PRLR: variants seen among roughly 807,000 people sequenced by gnomAD.
The protein encoded by PRLR is hPRL receptor.
PRLR carries 13 observed loss-of-function variants against 40.2 expected under a neutral mutation model. The observed-to-expected ratio is 0.32, with a 90% confidence interval of 0.21 to 0.51. The LOEUF (loss-of-function observed/expected upper bound fraction) is 0.51. PRLR is among the 20% of genes least tolerant of loss of function. PRLR has a pLI of 0.97. For missense variants in PRLR, 656 were observed against 747.3 expected (o/e 0.88, Z 1.42); for synonymous variants, 269 against 278.7 (o/e 0.97, Z 0.35).
intron 1 of PRLR, among the ~76,000 whole-genome samples, chr5:35,148,240 T>G (rs1774242513): frequency 6.6e-6 from 1 of 152,134 alleles, no homozygotes; most frequent in African/African-American, 2.4e-5. Context: ...TATAATTAAT[T>G]TTTAGATGTG....
Position 35,118,125 on chromosome 5 carries a change from G to GA in PRLR, c.-105-4dup, listed in dbSNP as rs1231875735. The GA allele has an allele frequency of 5.1e-6, 5 of 984,630 alleles. No individual in the cohort carries two copies. The highest frequency in any genetic ancestry group is 6.0e-6 in the Non-Finnish European group (5 of 828,996). The allele number at this position is 984,630 out of a possible 1,614,324, so 61.0% of individuals were successfully genotyped here. Reference sequence around the variant, plus strand: ...CCATGAATAGGAGAGTTCTTTAGCTGAAAGAGGAAATGATTCATTTTAGCT... The same window carrying GA: ...CCATGAATAGGAGAGTTCTTTAGCTGAAAAGAGGAAATGATTCATTTTAGCT... On this transcript the variant is annotated splice_region_variant and splice_polypyrimidine_tract_variant and intron_variant, in intron 1 of 9. Coordinates refer to ENST00000618457, the MANE Select transcript of PRLR (RefSeq NM_000949.7).
chr5:35,101,801 A>G (rs1771897601), intron 2 of PRLR, among the ~76,000 whole-genome samples: 1 of 148,382 alleles, frequency 6.7e-6, no homozygotes, highest in Admixed American at 6.8e-5. Context: ...TATAACTTAT[A>G]AATAACATAT....
intron 4 of PRLR, 84 bp from the exon 5 acceptor site, chr5:35,084,723 C>G: frequency 7.6e-7 from 1 of 1,312,150 alleles, no homozygotes; most frequent in African/African-American, 1.5e-5. Context: ...TACCACTGGC[C>G]TTTGGGTATC....
chr5:35,155,180 T>C (rs1774452129), intron 1 of PRLR, among the ~76,000 whole-genome samples: 1 of 152,162 alleles, frequency 6.6e-6, no homozygotes, highest in Non-Finnish European at 1.5e-5. Context: ...TTAAATCATA[T>C]GAATAAATAT....
At chr5:35,131,452 G>C (rs1195311674) in intron 1 of PRLR, among the ~76,000 whole-genome samples, 1 of 152,178 alleles carries the variant, frequency 6.6e-6, no homozygotes, top group African/African-American at 2.4e-5. Flanking sequence ...TGCTGGTCCA[G>C]TGGCAGTGGG....
intron 5 of PRLR, among the ~76,000 whole-genome samples, chr5:35,079,094 C>A (rs959606422): frequency 6.6e-6 from 1 of 152,150 alleles, no homozygotes; most frequent in African/African-American, 2.4e-5. Context: ...AACCCACAGC[C>A]AATATCATAC....
At chr5:35,178,268 A>C (rs1227611440) in intron 1 of PRLR, among the ~76,000 whole-genome samples, 2 of 152,224 alleles carry the variant, frequency 1.3e-5, no homozygotes, top group East Asian at 3.8e-4. Context: ...TTCTACACAC[A>C]GTAGATCTTC....
intron 1 of PRLR, among the ~76,000 whole-genome samples, chr5:35,137,538 G>A (rs1773896978): frequency 6.6e-6 from 1 of 152,188 alleles, no homozygotes. Context: ...TACAAATTCT[G>A]TCTTCCCATT....
intron 5 of PRLR, among the ~76,000 whole-genome samples, chr5:35,076,160 G>A (rs955493920): frequency 3.3e-5 from 5 of 152,166 alleles, no homozygotes; most frequent in Non-Finnish European, 2.9e-5. Flanking sequence ...GCAGTTCCTC[G>A]CCAGCAACGA....
chr5:35,121,753 A>C (rs1396000795), intron 1 of PRLR, among the ~76,000 whole-genome samples: 3 of 152,222 alleles, frequency 2.0e-5, no homozygotes, highest in Non-Finnish European at 4.4e-5. Context: ...AATTCAGAGA[A>C]GACTCATAGC....
At chr5:35,173,373 T>C (rs1224046561) in intron 1 of PRLR, among the ~76,000 whole-genome samples, 1 of 152,230 alleles carries the variant, frequency 6.6e-6, no homozygotes, top group East Asian at 1.9e-4. Context: ...GGTCCATTCA[T>C]GCCCTGCTTT....
chr5:35,152,054 A>C (rs1774358443), intron 1 of PRLR, among the ~76,000 whole-genome samples: 1 of 152,218 alleles, frequency 6.6e-6, no homozygotes, highest in East Asian at 1.9e-4. Context: ...ATAACAAAGT[A>C]AGATGAAAAA....
intron 2 of PRLR, among the ~76,000 whole-genome samples, chr5:35,108,120 A>T (rs1312570873): frequency 6.6e-6 from 1 of 152,208 alleles, no homozygotes; most frequent in Non-Finnish European, 1.5e-5. Flanking sequence ...CCAACAACAA[A>T]AACCACATGA....
At chr5:35,108,259 C>G (rs1446370663) in intron 2 of PRLR, among the ~76,000 whole-genome samples, 1 of 152,106 alleles carries the variant, frequency 6.6e-6, no homozygotes, top group East Asian at 1.9e-4. Context: ...AAACCCACAG[C>G]CAATATCATA....
At chr5:35,129,854 C>T (rs2111770435) in intron 1 of PRLR, among the ~76,000 whole-genome samples, 1 of 152,112 alleles carries the variant, frequency 6.6e-6, no homozygotes, top group Admixed American at 6.5e-5. Context: ...CTCTGCTATC[C>T]CCTTGAAGGA....
intron 1 of PRLR, among the ~76,000 whole-genome samples, chr5:35,190,351 T>A (rs1348944977): frequency 1.3e-5 from 2 of 152,184 alleles, no homozygotes; most frequent in Non-Finnish European, 2.9e-5. Flanking sequence ...ACACCTGTAA[T>A]CCCAGCACTT....
intron 5 of PRLR, among the ~76,000 whole-genome samples, chr5:35,073,511 G>A (rs1422105574): frequency 6.6e-6 from 1 of 152,164 alleles, no homozygotes; most frequent in Non-Finnish European, 1.5e-5. Flanking sequence ...GCAACTCCAT[G>A]AAGTACTATT....
intron 1 of PRLR, among the ~76,000 whole-genome samples, chr5:35,188,971 G>T (rs1304611251): frequency 6.6e-6 from 1 of 152,122 alleles, no homozygotes; most frequent in Admixed American, 6.5e-5. Context: ...TCAGAACGTG[G>T]TGTTTTTTGG....
chr5:35,148,944 T>C (rs1004601766), intron 1 of PRLR, among the ~76,000 whole-genome samples: 1 of 152,000 alleles, frequency 6.6e-6, no homozygotes, highest in East Asian at 1.9e-4. Flanking sequence ...ATCAAATATA[T>C]ATATACACAA....
Sources: allele counts gnomAD v4.1 joint callset (sites outside exome capture counted in the v4.1 genomes callset), GRCh38; gene constraint gnomAD v4.1.1; transcripts MANE v1.5; gene names NCBI Gene and HGNC (gene_info 2026-07-23, HGNC 2026-07-21).